Variants in HS6ST3 observed in about 807,000 individuals in gnomAD.
The protein encoded by HS6ST3 is heparan sulfate 6-O-sulfotransferase 3, also known as heparan-sulfate 6-O-sulfotransferase 3.
A neutral mutation model predicts 36.7 loss-of-function variants in HS6ST3; 12 were observed. The ratio of observed to expected loss-of-function variants is 0.33; its 90% CI spans 0.21 to 0.53. The LOEUF (loss-of-function observed/expected upper bound fraction) is 0.53, where lower values mean the gene tolerates loss of function less well. Ranked by LOEUF, HS6ST3 falls within the 20% of genes least tolerant of loss-of-function variation. HS6ST3 has a pLI of 0.95. For synonymous variants in HS6ST3, 240 were observed against 257.5 expected (o/e 0.93, Z 0.65); for missense variants, 584 against 640.9 (o/e 0.91, Z 0.96).
chr13:96,267,571 A>G (rs1043239126), intron 1 of HS6ST3, among the ~76,000 whole-genome samples: 6 of 152,140 alleles, frequency 3.9e-5, no homozygotes, highest in Admixed American at 6.6e-5. Context: ...TAGTCTTTCC[A>G]AGGCACTGTG....
chr13:96,657,304 T>C (rs2056629208), intron 1 of HS6ST3, among the ~76,000 whole-genome samples: 1 of 152,124 alleles, frequency 6.6e-6, no homozygotes, highest in South Asian at 2.1e-4. Context: ...CTCACACCTA[T>C]AATCTCAGCA....
At chr13:96,598,714 T>C (rs768141292) in intron 1 of HS6ST3, among the ~76,000 whole-genome samples, 1 of 152,096 alleles carries the variant, frequency 6.6e-6, no homozygotes, top group East Asian at 1.9e-4. Flanking sequence ...AGCTATGTTG[T>C]GTAGAAGTGA....
chr13:96,232,130 A>G (rs1297017561), intron 1 of HS6ST3, among the ~76,000 whole-genome samples: 1 of 152,184 alleles, frequency 6.6e-6, no homozygotes. Flanking sequence ...TGCAAGAGTG[A>G]GAAAACTGGA....
chr13:96,374,956 G>A (rs1461341808), intron 1 of HS6ST3, among the ~76,000 whole-genome samples: 2 of 152,050 alleles, frequency 1.3e-5, no homozygotes, highest in African/African-American at 4.8e-5. Flanking sequence ...CCATTCATAA[G>A]CTTTTCATGC....
At chr13:96,419,200 T>G (rs1156592320) in intron 1 of HS6ST3, among the ~76,000 whole-genome samples, 1 of 152,234 alleles carries the variant, frequency 6.6e-6, no homozygotes, top group Non-Finnish European at 1.5e-5. Context: ...TGCTTTTCAG[T>G]TAAAATGTAA....
intron 1 of HS6ST3, among the ~76,000 whole-genome samples, chr13:96,118,675 TATATATATATATA>T (rs1170449177): frequency 7.5e-4 from 16 of 21,418 alleles, no homozygotes; most frequent in South Asian, 2.7e-3. Flanking sequence ...TATATATATA[TATATATATATATA>T]TTTTTTTTTT....
chr13:96,765,412 C>G (rs1480628770), intron 1 of HS6ST3, among the ~76,000 whole-genome samples: 1 of 152,172 alleles, frequency 6.6e-6, no homozygotes, highest in African/African-American at 2.4e-5. Flanking sequence ...CACACATTGT[C>G]TGTGTCACCT....
intron 1 of HS6ST3, among the ~76,000 whole-genome samples, chr13:96,194,704 A>C (rs9525146): frequency 2.0e-5 from 3 of 152,010 alleles, no homozygotes; most frequent in East Asian, 1.9e-4. Context: ...GAACTTATTC[A>C]TCTTGTAACT....
At chr13:96,792,927 C>CT (rs1406439595) in intron 1 of HS6ST3, among the ~76,000 whole-genome samples, 4 of 152,054 alleles carry the variant, frequency 2.6e-5, no homozygotes, top group Non-Finnish European at 5.9e-5. Context: ...AGTCATCAAT[C>CT]TTTCTCTAAT....
chr13:96,523,285 C>A (rs2056101051), intron 1 of HS6ST3, among the ~76,000 whole-genome samples: 1 of 152,120 alleles, frequency 6.6e-6, no homozygotes, highest in African/African-American at 2.4e-5. Flanking sequence ...TTCTCTCTTG[C>A]TGCCCTTTAC....
intron 1 of HS6ST3, among the ~76,000 whole-genome samples, chr13:96,695,497 G>C (rs762517193): frequency 6.6e-6 from 1 of 152,086 alleles, no homozygotes; most frequent in Admixed American, 6.6e-5. Context: ...GCATAATCAT[G>C]ACCATAGTTC....
intron 1 of HS6ST3, among the ~76,000 whole-genome samples, chr13:96,781,309 A>G (rs1460505419): frequency 1.3e-5 from 2 of 152,220 alleles, no homozygotes; most frequent in Admixed American, 6.6e-5. Context: ...GCCCTAAGCC[A>G]GGGCACGTAG....
chr13:96,247,386 C>T (rs993794717), intron 1 of HS6ST3, among the ~76,000 whole-genome samples: 8 of 152,062 alleles, frequency 5.3e-5, no homozygotes, highest in African/African-American at 9.7e-5. Context: ...GTGATTGGAT[C>T]GTGGGGGTGG....
chr13:96,404,980 C>G (rs1416215728), intron 1 of HS6ST3, among the ~76,000 whole-genome samples: 1 of 152,172 alleles, frequency 6.6e-6, no homozygotes, highest in Admixed American at 6.5e-5. Context: ...GGGAGTTTCT[C>G]TGCACAAGTT....
chr13:96,546,684 G>A (rs1048003276), intron 1 of HS6ST3, among the ~76,000 whole-genome samples: 11 of 152,244 alleles, frequency 7.2e-5, no homozygotes, highest in Admixed American at 6.5e-5. Context: ...TAAAACCATC[G>A]TAGGGGTGTG....
intron 1 of HS6ST3, among the ~76,000 whole-genome samples, chr13:96,751,324 A>G (rs141094211): frequency 1.3e-5 from 2 of 152,292 alleles, no homozygotes; most frequent in East Asian, 3.9e-4. Flanking sequence ...AGGCAGAAAG[A>G]AACTAGAGAG....
At chr13:96,412,045 G>GC (rs1386873223) in intron 1 of HS6ST3, among the ~76,000 whole-genome samples, 1 of 151,856 alleles carries the variant, frequency 6.6e-6, no homozygotes, top group Non-Finnish European at 1.5e-5. Context: ...TCGCTCTGTA[G>GC]CCAGGCTGCA....
In HS6ST3 at chr13:96,433,459, T is replaced by G. The variant is rs1451045797; in HGVS notation, c.707+341890T>G. Among the ~76,000 whole-genome samples the G allele has an allele frequency of 2.6e-5, 4 of 152,202 alleles. No individual in the cohort carries two copies. The East Asian group carries it at 7.7e-4, about 29-fold the overall frequency. On this transcript the variant is annotated intron_variant, in intron 1 of 1. Coordinates refer to ENST00000376705, the MANE Select transcript of HS6ST3 (RefSeq NM_153456.4). ...GTTGGTTTCCCCTATACTGTTCTTA[T>G]GGTAGTGAATAAGTTTCAGGACATC...
At chr13:96,216,577 A>G (rs1161671797) in intron 1 of HS6ST3, among the ~76,000 whole-genome samples, 1 of 152,190 alleles carries the variant, frequency 6.6e-6, no homozygotes, top group Non-Finnish European at 1.5e-5. Flanking sequence ...GGATTAGTGC[A>G]AGCTGAAGTG....
Sources: gnomAD v4.1 joint callset for allele counts (sites outside exome capture counted in the v4.1 genomes callset) on GRCh38, gnomAD v4.1.1 for gene constraint, MANE v1.5 for transcripts, NCBI Gene and HGNC (gene_info 2026-07-23, HGNC 2026-07-21) for gene names.